NIPAL4: variants seen among roughly 807,000 people sequenced by gnomAD.
NIPAL4 encodes NIPA like domain containing 4, also known as magnesium transporter NIPA4.
NIPAL4 carries 21 observed loss-of-function variants against 31.6 expected under a neutral mutation model. That is an observed-to-expected ratio of 0.67 (90% CI 0.47 to 0.96). The LOEUF is 0.96. Ranked by LOEUF, NIPAL4 falls within the 40% of genes least tolerant of loss-of-function variation. NIPAL4 has a pLI of 0.00. For synonymous variants in NIPAL4, 175 were observed against 211.1 expected, an observed-to-expected ratio of 0.83 and a Z score of 1.48; for missense variants, 438 against 508.0, an observed-to-expected ratio of 0.86 and a Z score of 1.32.
intron 2 of NIPAL4, 76 bp downstream of exon 2, chr5:157,463,409 G>T: frequency 6.8e-7 from 1 of 1,471,136 alleles, no homozygotes; most frequent in Non-Finnish European, 9.0e-7. Context: ...TAGTCTAAGA[G>T]GATGGCCTCA....
At chr5:157,471,117 T>C (rs1391174085) in intron 4 of NIPAL4, among the ~76,000 whole-genome samples, 4 of 152,156 alleles carry the variant, frequency 2.6e-5, no homozygotes, top group African/African-American at 9.7e-5. Flanking sequence ...TATCAGACAT[T>C]TGATGAGGGT....
Position 157,472,702 on chromosome 5 carries a change from C to A in NIPAL4, c.957C>A (p.Ser319Arg), listed in dbSNP as rs779136957. 7.4e-6 allele frequency: 12 copies of A among 1,613,902 alleles called. No homozygotes were observed. Among genetic ancestry groups the A allele is most frequent in the Non-Finnish European group, 1.0e-5 (12 of 1,179,894 alleles). Residue 319 changes from serine to arginine, a missense_variant, in exon 6 of 6, where the codon AGC (serine) becomes AGA (arginine). Coordinates refer to ENST00000311946, the MANE Select transcript of NIPAL4 (RefSeq NM_001099287.2). ...SSIILFKEWY[S>R]MSAVDIAGTL... ...TCATCCTCTTCAAGGAGTGGTACAGCATGTCTGCTGTGGACATTGCAGGCA... is the reference window on the plus strand; with the variant it reads ...TCATCCTCTTCAAGGAGTGGTACAGAATGTCTGCTGTGGACATTGCAGGCA...
intron 2 of NIPAL4, 150 bp from the exon 3 acceptor site, chr5:157,466,899 T>A (rs1754288528): frequency 1.6e-6 from 1 of 627,186 alleles, no homozygotes; most frequent in African/African-American, 1.8e-5. Flanking sequence ...TTTAAAACTT[T>A]AGGAACAAAT....
rs4704870 is a variant in NIPAL4 at position 157,472,861 on chromosome 5, T to C, written c.1116T>C (p.Val372=). ...PPPSPAPEPT[V]IRLEDKNVLV... ...CTTCTCCCGCCCCGGAACCCACTGT[T>C]ATTAGACTGGAAGACAAGAACGTCC... The change falls in exon 6 of 6, where the codon GTT becomes GTC. Residue 372 remains valine, a synonymous_variant. Coordinates refer to ENST00000311946, the MANE Select transcript of NIPAL4 (RefSeq NM_001099287.2). The C allele has an allele frequency of 0.97, 1,521,760 of 1,573,488 alleles. 736,012 individuals are homozygous for C. Among genetic ancestry groups the C allele is most frequent in the East Asian group, 1 (44,464 of 44,466 alleles).
At chr5:157,466,781 T>C (rs939719036) in intron 2 of NIPAL4, among the ~76,000 whole-genome samples, 1 of 152,204 alleles carries the variant, frequency 6.6e-6, no homozygotes, top group Non-Finnish European at 1.5e-5. Context: ...GAAATTGAGA[T>C]GCCTGTGAGG....
chr5:157,471,671 C>A lies in NIPAL4; in HGVS notation c.440C>A (p.Ser147Ter). 6.2e-7 allele frequency: 1 copy of A among 1,608,222 alleles called. No individual in the cohort carries two copies. Among genetic ancestry groups the A allele is most frequent in the South Asian group, 1.1e-5 (1 of 89,562 alleles). ...TCCACGTGCAGTGCCATCCTCTCCT[C>A]ATATTTCCTGAGGGAGAGTCTGAAC... ...LSVLISAILSSYFLRESLNLL... is the reference protein window; with the variant it reads ...LSVLISAILS Residue 147 changes from serine (S) to a stop codon, truncating the protein, a stop_gained, in exon 5 of 6, where the codon TCA becomes TAA. Transcript: ENST00000311946. LOFTEE classifies it high-confidence loss of function.
Position 157,472,830 on chromosome 5 carries a change from C to G in NIPAL4, c.1085C>G (p.Pro362Arg). ...AGCTTGCCCCACATGCACAAAAACC[C>G]ACCCCCTTCTCCCGCCCCGGAACCC... ...CASLPHMHKNPPPSPAPEPTV... is the reference protein window; with the variant it reads ...CASLPHMHKNRPPSPAPEPTV... The change falls in exon 6 of 6, where the codon CCA becomes CGA. Residue 362 changes from proline (P) to arginine (R), a missense_variant. Pro to Arg is a moderately radical substitution (Grantham distance 103). Coordinates refer to ENST00000311946, the MANE Select transcript of NIPAL4 (RefSeq NM_001099287.2). 1 of 1,596,182 alleles carries G rather than the reference C, an allele frequency of 6.3e-7. No homozygotes were observed. The highest frequency in any genetic ancestry group is 8.6e-7 in the Non-Finnish European group (1 of 1,168,300).
chr5:157,466,567 G>T (rs1754279976), intron 2 of NIPAL4, among the ~76,000 whole-genome samples: 1 of 152,218 alleles, frequency 6.6e-6, no homozygotes, highest in African/African-American at 2.4e-5. Context: ...TCGTGTAGCA[G>T]GTGGCAGCGG....
intron 2 of NIPAL4, 95 bp from the exon 3 acceptor site, chr5:157,466,953 GC>G: frequency 1.1e-6 from 1 of 888,656 alleles, no homozygotes; most frequent in Non-Finnish European, 1.9e-6. Flanking sequence ...TCAAGGAGCA[GC>G]CCTTAGAGGC....
Position 157,467,094 on chromosome 5 carries a change from G to A in NIPAL4, c.323G>A (p.Gly108Glu). ...CTGAAAGATGCAATGTGGTGGGCTG[G>A]ATTTCTCACCAGTAAGTGGGTTGTT... ...GYLKDAMWWA[G>E]FLTMAAGEVA... Residue 108 changes from glycine (G) to glutamate (E), a missense_variant, in exon 3 of 6, where the codon GGA becomes GAA. Physicochemically the swap from Gly to Glu is moderately conservative, Grantham distance 98. Transcript: ENST00000311946. 1 of 1,563,934 alleles carries A rather than the reference G, an allele frequency of 6.4e-7. No individual in the cohort carries two copies. Among genetic ancestry groups the A allele is most frequent in the Non-Finnish European group, 8.7e-7 (1 of 1,147,870 alleles).
intron 1 of NIPAL4, among the ~76,000 whole-genome samples, chr5:157,460,830 C>T (rs2113656192): frequency 6.6e-6 from 1 of 152,246 alleles, no homozygotes; most frequent in Middle Eastern, 3.4e-3. Context: ...CTTCCTATTG[C>T]GTTCTGACCA....
chr5:157,472,403 G>A lies in NIPAL4; in HGVS notation c.658G>A (p.Gly220Arg), dbSNP rs757041309. Residue 220 changes from glycine (G) to arginine (R), a missense_variant, in exon 6 of 6, where the codon GGG becomes AGG. By Grantham distance (125) the Gly-to-Arg change is moderately radical. Coordinates refer to ENST00000311946, the MANE Select transcript of NIPAL4 (RefSeq NM_001099287.2). ...CATCTTTGTCATTGCCCCACGTTAC[G>A]GGCAAAGGAATATCCTCATCTACAT... ...ILIFVIAPRY[G>R]QRNILIYIII... is the part of the protein sequence containing the mutation. 3.7e-6 allele frequency: 6 copies of A among 1,613,226 alleles called. No homozygotes were observed. The highest frequency in any genetic ancestry group is 2.2e-5 in the South Asian group (2 of 91,046).
chr5:157,461,129 A>AC (rs1754093623), intron 1 of NIPAL4, among the ~76,000 whole-genome samples: 1 of 152,096 alleles, frequency 6.6e-6, no homozygotes, highest in Admixed American at 6.5e-5. Flanking sequence ...TGTTTCTCTA[A>AC]CCTCTTCCCT....
In NIPAL4 at chr5:157,473,015, A is replaced by C. The variant is rs1754486662; in HGVS notation, c.*55A>C. 1 of 1,414,610 alleles carries C rather than the reference A, an allele frequency of 7.1e-7. No homozygotes were observed. The highest frequency in any genetic ancestry group is 2.3e-5 in the East Asian group (1 of 43,114). The allele number at this position is 1,414,610 out of a possible 1,614,324, so 87.6% of individuals were successfully genotyped here. A position where few individuals can be genotyped will look rare whatever the true frequency, so the allele number is the denominator to read the frequency against. On this transcript the variant is annotated 3_prime_UTR_variant, in exon 6 of 6. Coordinates refer to ENST00000311946, the MANE Select transcript of NIPAL4 (RefSeq NM_001099287.2). ...TCCGATGGTACAGCCTGCCCTCCCA[A>C]TTTCAAAACCACCTGGTTATTTTCC...
chr5:157,471,447 C>T (rs1754431711), intron 4 of NIPAL4, among the ~76,000 whole-genome samples: 1 of 152,132 alleles, frequency 6.6e-6, no homozygotes, highest in Non-Finnish European at 1.5e-5. Context: ...TATTAGCATC[C>T]CCATTTTGCA....
rs570439606 is a variant in NIPAL4, at chr5:157,464,883, T to C, written c.277+1550T>C. Among the ~76,000 whole-genome samples the C allele has an allele frequency of 3.9e-5, 6 of 152,306 alleles. No individual in the cohort carries two copies. In the South Asian group the frequency reaches 1.2e-3, roughly 32 times the overall value. On this transcript the variant is annotated intron_variant, in intron 2 of 5. Coordinates refer to ENST00000311946, the MANE Select transcript of NIPAL4 (RefSeq NM_001099287.2). Reference sequence around the variant, plus strand: ...AGTATCTATTTCTATGCCTCAGTCTTCTCATCTATAAAATGGAGATAAGAA... The same window carrying C: ...AGTATCTATTTCTATGCCTCAGTCTCCTCATCTATAAAATGGAGATAAGAA...
intron 4 of NIPAL4, among the ~76,000 whole-genome samples, chr5:157,470,209 C>T (rs570035700): frequency 3.3e-5 from 5 of 152,272 alleles, no homozygotes; most frequent in South Asian, 2.1e-4. Flanking sequence ...CAGAAGCATG[C>T]CCCCGTGATT....
Position 157,471,693 on chromosome 5 carries a change from G to T in NIPAL4, c.462G>T (p.Leu154=). 1 of 1,608,350 alleles carries T rather than the reference G, an allele frequency of 6.2e-7. No homozygotes were observed. Among genetic ancestry groups the T allele is most frequent in the Non-Finnish European group, 8.5e-7 (1 of 1,177,342 alleles). ...CCTCATATTTCCTGAGGGAGAGTCTGAACCTGCTGGGGAAGCTGGGCTGTG... is the reference window on the plus strand; with the variant it reads ...CCTCATATTTCCTGAGGGAGAGTCTTAACCTGCTGGGGAAGCTGGGCTGTG... The part of the protein sequence containing the change: ...ILSSYFLRES[L]NLLGKLGCVI... The change falls in exon 5 of 6, where the codon CTG becomes CTT. Residue 154 remains leucine, a synonymous_variant. Coordinates refer to ENST00000311946, the MANE Select transcript of NIPAL4 (RefSeq NM_001099287.2).
Position 157,463,217 on chromosome 5 carries a change from A to G in NIPAL4, c.161A>G (p.Tyr54Cys). 2 of 1,614,006 alleles carry G rather than the reference A, an allele frequency of 1.2e-6. No individual in the cohort carries two copies. The highest frequency in any genetic ancestry group is 1.7e-6 in the Non-Finnish European group (2 of 1,179,886). ...TGGCAGGAAAGAATCAGGCAGAACT[A>G]TGGCTTCTACATCGGCCTGGGCCTG... Reference protein sequence around the residue: ...HSWQERIRQNYGFYIGLGLAF... With the variant: ...HSWQERIRQNCGFYIGLGLAF... The change falls in exon 2 of 6, where the codon TAT (tyrosine) becomes TGT (cysteine). Residue 54 changes from tyrosine to cysteine, a missense_variant. Physicochemically the swap from Tyr to Cys is radical, Grantham distance 194. Transcript: ENST00000311946.
Sources: gnomAD v4.1 joint callset for allele counts (sites outside exome capture counted in the v4.1 genomes callset) on GRCh38, gnomAD v4.1.1 for gene constraint, MANE v1.5 for transcripts, NCBI Gene and HGNC (gene_info 2026-07-23, HGNC 2026-07-21) for gene names.